Variants in CHODL observed in about 807,000 individuals in gnomAD.
CHODL encodes the protein chondrolectin, also known as transmembrane protein MT75.
CHODL carries 29 observed loss-of-function variants against 34.5 expected under a neutral mutation model. The ratio of observed to expected loss-of-function variants is 0.84; its 90% CI spans 0.63 to 1.15. CHODL has a LOEUF of 1.15. Ranked by LOEUF, CHODL falls within the 50% of genes most tolerant of loss-of-function variation. The pLI, the probability that CHODL is intolerant of heterozygous loss-of-function variation, is 0.00. For missense variants in CHODL, 332 were observed against 332.5 expected, an observed-to-expected ratio of 1.00 and a Z score of 0.01; for synonymous variants, 125 against 116.1, an observed-to-expected ratio of 1.08 and a Z score of -0.49.
chr21:18,249,246 T>C (rs1348499039), intron 1 of CHODL, among the ~76,000 whole-genome samples: 2 of 149,668 alleles, frequency 1.3e-5, no homozygotes, highest in African/African-American at 2.5e-5. Flanking sequence ...TACAAGTAGA[T>C]GGATGTGTGC....
chr21:17,993,841 A>G (rs1035947004), intron 1 of CHODL, among the ~76,000 whole-genome samples: 1 of 152,214 alleles, frequency 6.6e-6, no homozygotes, highest in Non-Finnish European at 1.5e-5. Flanking sequence ...CCAACAGTGT[A>G]TGATCATTCC....
intron 1 of CHODL, among the ~76,000 whole-genome samples, chr21:17,969,346 T>C (rs197530): frequency 0.28 from 42,804 of 152,020 alleles, 6,330 homozygotes; most frequent in Middle Eastern, 0.35. Context: ...GGAATAAATA[T>C]ATAGAAGAAA....
intron 2 of CHODL, among the ~76,000 whole-genome samples, chr21:18,185,004 C>CT (rs2073424070): frequency 1.3e-5 from 2 of 152,196 alleles, no homozygotes; most frequent in Non-Finnish European, 2.9e-5. Flanking sequence ...TTGTCTCTCT[C>CT]TTTTTTTGTT....
At chr21:17,946,488 T>G (rs1718001163) in intron 1 of CHODL, among the ~76,000 whole-genome samples, 1 of 152,196 alleles carries the variant, frequency 6.6e-6, no homozygotes. Flanking sequence ...AAAAGGAGTT[T>G]TCAAGCTGAA....
At chr21:18,086,535 T>C (rs2065009723) in intron 2 of CHODL, among the ~76,000 whole-genome samples, 1 of 152,218 alleles carries the variant, frequency 6.6e-6, no homozygotes, top group South Asian at 2.1e-4. Context: ...ATGTTGTTGA[T>C]TCAGTAGTAT....
chr21:18,000,362 A>G (rs914626199), intron 1 of CHODL, among the ~76,000 whole-genome samples: 9 of 152,212 alleles, frequency 5.9e-5, no homozygotes, highest in African/African-American at 2.2e-4. Flanking sequence ...TGCCTTGCAT[A>G]AAATATGTAA....
At chr21:18,009,077 A>G (rs374688583) in intron 1 of CHODL, among the ~76,000 whole-genome samples, 10 of 152,348 alleles carry the variant, frequency 6.6e-5, no homozygotes, top group African/African-American at 2.4e-4. Context: ...TGATTTTCTA[A>G]TTTTTAGTAT....
At chr21:18,167,395 C>T (rs1456509408) in intron 2 of CHODL, among the ~76,000 whole-genome samples, 3 of 149,760 alleles carry the variant, frequency 2.0e-5, no homozygotes, top group Non-Finnish European at 3.0e-5. Context: ...CTGCAAGCTC[C>T]GCCTCCCAGG....
At chr21:18,173,202 T>C (rs988261884) in intron 2 of CHODL, among the ~76,000 whole-genome samples, 4 of 152,208 alleles carry the variant, frequency 2.6e-5, no homozygotes, top group African/African-American at 4.8e-5. Context: ...TTAGAGACTT[T>C]AATTACACCT....
intron 1 of CHODL, among the ~76,000 whole-genome samples, chr21:17,981,501 G>A (rs1435130880): frequency 6.6e-6 from 1 of 152,158 alleles, no homozygotes; most frequent in Non-Finnish European, 1.5e-5. Flanking sequence ...TCTTGTAACT[G>A]ATGGGGCTCA....
chr21:18,171,401 G>A (rs1157892017), intron 2 of CHODL, among the ~76,000 whole-genome samples: 1 of 149,264 alleles, frequency 6.7e-6, no homozygotes, highest in Admixed American at 6.7e-5. Context: ...AGAGACGGGG[G>A]TTTCACCTTG....
chr21:18,047,070 C>T (rs1218558592), intron 2 of CHODL, among the ~76,000 whole-genome samples: 1 of 151,906 alleles, frequency 6.6e-6, no homozygotes, highest in East Asian at 1.9e-4. Context: ...ATTAAATCCA[C>T]CAAGTAGAAG....
intron 1 of CHODL, among the ~76,000 whole-genome samples, chr21:17,931,948 A>G (rs2063276967): frequency 6.6e-6 from 1 of 152,238 alleles, no homozygotes. Context: ...ACAAAAATAG[A>G]CAAATGGGAC....
rs184854112 is a variant in CHODL, at chr21:18,062,638, C to T, written c.-45+34667C>T. 7.7e-3 allele frequency among the ~76,000 whole-genome samples: 1,179 copies of T among 152,146 alleles called. 9 individuals are homozygous for T. The highest frequency in any genetic ancestry group is 0.013 in the Non-Finnish European group (884 of 68,002). On this transcript the variant is annotated intron_variant, in intron 2 of 6. Coordinates refer to the CHODL transcript ENST00000400127. ...AAAATTAGCCCGATGTGGTGGTGCC[C>T]ACCTGTAGTCCCAGCTACTCGGGAG...
intron 1 of CHODL, among the ~76,000 whole-genome samples, chr21:18,023,140 T>C (rs158044): frequency 0.33 from 49,506 of 152,036 alleles, 11,828 homozygotes; most frequent in African/African-American, 0.67. Context: ...ACTTCACTAG[T>C]GTCCTTGGGT....
chr21:17,982,877 AC>A (rs572976879), intron 1 of CHODL, among the ~76,000 whole-genome samples: 5 of 143,978 alleles, frequency 3.5e-5, no homozygotes, highest in Admixed American at 6.9e-5. Flanking sequence ...ACTCCCTCCA[AC>A]CCCCCCCAGC....
At chr21:18,061,934 C>A (rs1271108528) in intron 2 of CHODL, among the ~76,000 whole-genome samples, 1 of 152,090 alleles carries the variant, frequency 6.6e-6, no homozygotes, top group East Asian at 1.9e-4. Flanking sequence ...AGAAAATAGT[C>A]ATCAAAAAGT....
chr21:18,145,558 G>A (rs1393203971), intron 2 of CHODL, among the ~76,000 whole-genome samples: 1 of 151,682 alleles, frequency 6.6e-6, no homozygotes, highest in Non-Finnish European at 1.5e-5. Flanking sequence ...TGCTTATATA[G>A]CATAGAATGG....
At chr21:18,044,678 A>G (rs1266935955) in intron 2 of CHODL, among the ~76,000 whole-genome samples, 3 of 151,922 alleles carry the variant, frequency 2.0e-5, no homozygotes, top group South Asian at 2.1e-4. Flanking sequence ...CGATTACAAT[A>G]TAGTTGATTA....
Sources: gnomAD v4.1 joint callset for allele counts (sites outside exome capture counted in the v4.1 genomes callset) on GRCh38, gnomAD v4.1.1 for gene constraint, MANE v1.5 for transcripts, NCBI Gene and HGNC (gene_info 2026-07-23, HGNC 2026-07-21) for gene names.